SORCS1: variants seen among roughly 807,000 people sequenced by gnomAD.
The protein encoded by SORCS1 is VPS10 domain-containing receptor SorCS1.
In SORCS1, 60 loss-of-function variants were observed where a neutral mutation model predicts 146.1. The observed-to-expected ratio is 0.41, with a 90% confidence interval of 0.33 to 0.51. The LOEUF is 0.51. SORCS1 is among the 20% of genes least tolerant of loss of function. The pLI is 0.21. For missense variants in SORCS1, 1,352 were observed against 1,487.6 expected, an observed-to-expected ratio of 0.91 and a Z score of 1.50; for synonymous variants, 637 against 584.0, an observed-to-expected ratio of 1.09 and a Z score of -1.31.
At chr10:106,711,314 T>C (rs821952) in intron 6 of SORCS1, among the ~76,000 whole-genome samples, 125,351 of 152,134 alleles carry the variant, frequency 0.82, 53,403 homozygotes, top group Non-Finnish European at 0.94. Flanking sequence ...TGCAGAATTC[T>C]ATTTTTCCAA....
At chr10:106,642,931 C>A (rs774411447) in intron 18 of SORCS1, among the ~76,000 whole-genome samples, 1 of 152,172 alleles carries the variant, frequency 6.6e-6, no homozygotes, top group Non-Finnish European at 1.5e-5. Context: ...GAGCCACAGG[C>A]CAAACTGGCT....
intron 3 of SORCS1, among the ~76,000 whole-genome samples, chr10:106,807,926 C>G (rs1395754128): frequency 6.6e-6 from 1 of 152,278 alleles, no homozygotes; most frequent in Non-Finnish European, 1.5e-5. Context: ...CAAATCTCTT[C>G]TCTTCCAATG....
intron 5 of SORCS1, among the ~76,000 whole-genome samples, chr10:106,731,075 T>C (rs544251583): frequency 5.2e-4 from 78 of 151,398 alleles, no homozygotes; most frequent in Non-Finnish European, 9.4e-4. Flanking sequence ...TTTGGGAGGC[T>C]GAGGTGGGCG....
At chr10:106,918,270 C>T (rs916668878) in intron 2 of SORCS1, among the ~76,000 whole-genome samples, 2 of 152,156 alleles carry the variant, frequency 1.3e-5, no homozygotes, top group African/African-American at 4.8e-5. Flanking sequence ...ACGCCATTCT[C>T]CTGCCTCAGC....
Position 107,164,008 on chromosome 10 carries a change from G to A in SORCS1, c.519C>T (p.His173=). 6.2e-7 allele frequency: 1 copy of A among 1,613,988 alleles called. No individual in the cohort carries two copies. Among genetic ancestry groups the A allele is most frequent in the South Asian group, 1.1e-5 (1 of 91,056 alleles). Residue 173 remains histidine (H), a synonymous_variant, in exon 1 of 26, where the codon CAC becomes CAT. Transcript: ENST00000263054. The surrounding 1 kb of genome is among the most constrained non-coding windows in gnomAD (Gnocchi z 6.8). ...TTFALTGDSA[H]NQAMVHWSGH... ...CAGACCAGTGGACCATGGCTTGGTT[G>A]TGTGCTGAGTCTCCCGTCAGCGCAA...
rs1430208471 is a variant in SORCS1 at position 106,957,165 on chromosome 10, GTTTTTTTTGT to G, written c.559-595_559-586del. On this transcript the variant is annotated intron_variant, in intron 1 of 25. Coordinates refer to ENST00000263054, the MANE Select transcript of SORCS1 (RefSeq NM_052918.5). ...ATCTATTAGCATGTGGTTTTTTTTTGTTTTTTTTGTTTTTTTTTTTGGAGATAGAGTTTCG... is the reference window on the plus strand; with the variant it reads ...ATCTATTAGCATGTGGTTTTTTTTTGTTTTTTTTTTGGAGATAGAGTTTCG... Among the ~76,000 whole-genome samples, 974 of 138,074 alleles carry G rather than the reference GTTTTTTTTGT, an allele frequency of 7.1e-3. 11 individuals are homozygous for G. Among genetic ancestry groups the G allele is most frequent in the African/African-American group, 0.027 (942 of 35,458 alleles). 90.6% of individuals were successfully genotyped at this position (138,074 alleles called of 152,430 possible). A position where few individuals can be genotyped will look rare whatever the true frequency, so the allele number is the denominator to read the frequency against.
At chr10:107,043,309 C>G (rs1009484860) in intron 1 of SORCS1, among the ~76,000 whole-genome samples, 1 of 152,108 alleles carries the variant, frequency 6.6e-6, no homozygotes, top group African/African-American at 2.4e-5. Flanking sequence ...GGAATTTTAA[C>G]AAGACTTTTC....
intron 2 of SORCS1, among the ~76,000 whole-genome samples, chr10:106,839,731 C>T (rs1948940875): frequency 6.6e-6 from 1 of 152,196 alleles, no homozygotes; most frequent in Non-Finnish European, 1.5e-5. Context: ...GAGGGACAAG[C>T]TGACTTTCTT....
rs1469588824 is a variant in SORCS1, at chr10:106,798,202, C to T, written c.727-21510G>A. Among the ~76,000 whole-genome samples, 3 of 152,252 alleles carry T rather than the reference C, an allele frequency of 2.0e-5. No homozygotes were observed. The East Asian group carries it at 5.8e-4, about 29-fold the overall frequency. Reference sequence around the variant, plus strand: ...CTTGTCTGCATCCATGGGAGAAATGCCTTTCACCTTCTGCCATGATTGTGA... The same window carrying T: ...CTTGTCTGCATCCATGGGAGAAATGTCTTTCACCTTCTGCCATGATTGTGA... On this transcript the variant is annotated intron_variant, in intron 3 of 25. Coordinates refer to ENST00000263054, the MANE Select transcript of SORCS1 (RefSeq NM_052918.5).
rs756409433 is a variant in SORCS1 at position 106,652,490 on chromosome 10, C to A, written c.2367G>T (p.Pro789=). The part of the protein sequence containing the change: ...DGVREQYTAK[P]QKCPGKAPRG... ...GCGGGGCTTTCCCTGGGCACTTCTGCGGTTTGGCAGTGTACTGTTCCCTTA... is the reference window on the plus strand; with the variant it reads ...GCGGGGCTTTCCCTGGGCACTTCTGAGGTTTGGCAGTGTACTGTTCCCTTA... The change falls in exon 18 of 26, where the codon CCG becomes CCT. Residue 789 remains proline, a synonymous_variant. Coordinates refer to ENST00000263054, the MANE Select transcript of SORCS1 (RefSeq NM_052918.5). The A allele has an allele frequency of 8.7e-6, 14 of 1,613,998 alleles. No individual in the cohort carries two copies. In the African/African-American group the frequency reaches 1.7e-4, roughly 20 times the overall value.
chr10:106,653,803 T>C (rs1392059359), intron 17 of SORCS1, among the ~76,000 whole-genome samples: 1 of 152,228 alleles, frequency 6.6e-6, no homozygotes, highest in Non-Finnish European at 1.5e-5. Flanking sequence ...TACTTAAAAG[T>C]ATCCTAATAC....
intron 2 of SORCS1, among the ~76,000 whole-genome samples, chr10:106,838,609 C>T (rs745511435): frequency 6.6e-6 from 1 of 152,206 alleles, no homozygotes; most frequent in Admixed American, 6.5e-5. Context: ...ATTCCCCTAA[C>T]CCATACTAAC....
chr10:106,997,092 A>G (rs771666679), intron 1 of SORCS1, among the ~76,000 whole-genome samples: 11 of 151,664 alleles, frequency 7.3e-5, no homozygotes, highest in Non-Finnish European at 1.5e-4. Flanking sequence ...AAGCCCTTAC[A>G]TATAGCGCTG....
At chr10:107,067,227 C>T (rs1298453801) in intron 1 of SORCS1, among the ~76,000 whole-genome samples, 1 of 151,948 alleles carries the variant, frequency 6.6e-6, no homozygotes, top group Admixed American at 6.6e-5. Context: ...TCCTTACTGA[C>T]ATATTAATAG....
At chr10:106,858,431 G>A (rs1031315660) in intron 2 of SORCS1, among the ~76,000 whole-genome samples, 1 of 151,774 alleles carries the variant, frequency 6.6e-6, no homozygotes, top group African/African-American at 2.4e-5. Context: ...CATCCTGGCT[G>A]ACAAGGGGAA....
At chr10:107,085,279 G>A (rs562038298) in intron 1 of SORCS1, among the ~76,000 whole-genome samples, 35 of 152,178 alleles carry the variant, frequency 2.3e-4, no homozygotes, top group East Asian at 1.7e-3. Context: ...TTCGTCCTCC[G>A]GTAATACCAT....
At chr10:106,961,487 A>G (rs559381421) in intron 1 of SORCS1, among the ~76,000 whole-genome samples, 28 of 152,334 alleles carry the variant, frequency 1.8e-4, no homozygotes, top group Admixed American at 1.4e-3. Context: ...AAGCACAGGA[A>G]TTTTCCATTT....
intron 1 of SORCS1, among the ~76,000 whole-genome samples, chr10:107,071,910 G>C (rs538210130): frequency 2.6e-5 from 4 of 152,210 alleles, no homozygotes; most frequent in Non-Finnish European, 4.4e-5. Context: ...GGGGAAAATG[G>C]AAACAGGTTG....
intron 2 of SORCS1, among the ~76,000 whole-genome samples, chr10:106,939,255 A>C (rs1953908960): frequency 6.6e-6 from 1 of 152,236 alleles, no homozygotes; most frequent in Admixed American, 6.5e-5. Context: ...GGCTAATCCA[A>C]GTCTTCGATT....
Sources: gnomAD v4.1 joint callset for allele counts (sites outside exome capture counted in the v4.1 genomes callset) on GRCh38, gnomAD v4.1.1 for gene constraint, Gnocchi (gnomAD v3.1) non-coding constraint, MANE v1.5 for transcripts, NCBI Gene and HGNC (gene_info 2026-07-23, HGNC 2026-07-21) for gene names.